The following SPP2 variants were observed in gnomAD, a reference collection of about 807,000 sequenced individuals.
SPP2 encodes the protein secreted phosphoprotein 24.
SPP2 carries 34 observed loss-of-function variants against 28.8 expected under a neutral mutation model. The observed-to-expected ratio is 1.18, with a 90% CI of 0.90 to 1.57. The LOEUF is 1.57. Ranked by LOEUF, SPP2 falls within the 40% of genes most tolerant of loss-of-function variation. The pLI, the probability that SPP2 is intolerant of heterozygous loss-of-function variation, is 0.00. For missense variants in SPP2, 269 were observed against 263.9 expected (o/e 1.02, Z -0.13); for synonymous variants, 96 against 89.4 (o/e 1.07, Z -0.42).
At chr2:234,057,879 T>C (rs945200250) in intron 2 of SPP2, among the ~76,000 whole-genome samples, 1 of 152,240 alleles carries the variant, frequency 6.6e-6, no homozygotes, top group Admixed American at 6.5e-5. Flanking sequence ...TGGAGCAGTC[T>C]TTTAGGAAAA....
At chr2:234,067,188 G>A (rs781267947) in intron 5 of SPP2, 36 bp from the exon 6 acceptor site, 5 of 1,584,370 alleles carry the variant, frequency 3.2e-6, no homozygotes, top group Non-Finnish European at 2.6e-6. Context: ...GGAACAGTGA[G>A]AGGAGTCTTG....
At position 234,073,179 on chromosome 2, in the gene SPP2, C is replaced by T. The variant is rs559832263; in HGVS notation, c.*10+3156C>T. On this transcript the variant is annotated intron_variant, in intron 7 of 7. Transcript: ENST00000168148. ...CTGGGATTACAGGCATGAGCCACCACGCCTGGCCGACCATAAACTTCTTGA... is the reference window on the plus strand; with the variant it reads ...CTGGGATTACAGGCATGAGCCACCATGCCTGGCCGACCATAAACTTCTTGA... Among the ~76,000 whole-genome samples, 8 of 152,332 alleles carry T rather than the reference C, an allele frequency of 5.3e-5. No homozygotes were observed. The East Asian group carries it at 5.8e-4, about 11-fold the overall frequency.
intron 4 of SPP2, among the ~76,000 whole-genome samples, chr2:234,064,247 GTCTCTC>G (rs10556319): frequency 1.3e-5 from 2 of 149,124 alleles, no homozygotes; most frequent in Non-Finnish European, 3.0e-5. Flanking sequence ...TCCTTCCTCT[GTCTCTC>G]TCTCTCTCTC....
chr2:234,053,855 G>C (rs1482569366), intron 2 of SPP2, among the ~76,000 whole-genome samples: 1 of 152,002 alleles, frequency 6.6e-6, no homozygotes, highest in Non-Finnish European at 1.5e-5. Context: ...GGGAAGCAAA[G>C]AGGACAAGTA....
At chr2:234,068,262 A>G (rs535347245) in intron 6 of SPP2, among the ~76,000 whole-genome samples, 1 of 152,298 alleles carries the variant, frequency 6.6e-6, no homozygotes, top group South Asian at 2.1e-4. Flanking sequence ...CAGTGTCACA[A>G]ACATTCTGTG....
chr2:234,063,447 G>A (rs1033750916), intron 4 of SPP2, among the ~76,000 whole-genome samples: 3 of 152,068 alleles, frequency 2.0e-5, no homozygotes, highest in Admixed American at 6.5e-5. Flanking sequence ...CATAATGAAA[G>A]CCCTGAATAT....
intron 2 of SPP2, among the ~76,000 whole-genome samples, chr2:234,053,467 C>T (rs1318497522): frequency 6.6e-6 from 1 of 151,996 alleles, no homozygotes; most frequent in Non-Finnish European, 1.5e-5. Flanking sequence ...TCAGACTACA[C>T]ATCATCATTG....
At chr2:234,073,853 T>C (rs1255833229) in intron 7 of SPP2, among the ~76,000 whole-genome samples, 1 of 152,170 alleles carries the variant, frequency 6.6e-6, no homozygotes. Context: ...CTTTTGTCAA[T>C]AAGGGCACAG....
intron 4 of SPP2, among the ~76,000 whole-genome samples, chr2:234,060,920 C>T (rs1213381804): frequency 1.3e-5 from 2 of 152,068 alleles, no homozygotes; most frequent in Admixed American, 1.3e-4. Flanking sequence ...TTTTGTTGGA[C>T]CAGTGTTCAA....
At chr2:234,076,611 CCCACA>C (rs1690903536) in intron 7 of SPP2, among the ~76,000 whole-genome samples, 1 of 152,084 alleles carries the variant, frequency 6.6e-6, no homozygotes, top group South Asian at 2.1e-4. Context: ...GATCTCCAGC[CCCACA>C]CCCGCACACG....
At chr2:234,067,957 C>T (rs1446000908) in intron 6 of SPP2, among the ~76,000 whole-genome samples, 1 of 151,238 alleles carries the variant, frequency 6.6e-6, no homozygotes, top group Non-Finnish European at 1.5e-5. Context: ...TTTATGGGTA[C>T]ATAGGAGGTA....
rs1559170144 is a variant in SPP2 at position 234,053,036 on chromosome 2, C to T, written c.210+1941C>T. On this transcript the variant is annotated intron_variant, in intron 2 of 7. Coordinates refer to ENST00000168148, the MANE Select transcript of SPP2 (RefSeq NM_006944.3). ...GAATAGATCACTAGCACTGGGGTTA[C>T]AAACAATTCACGAAAGAGGAAATAC... Among the ~76,000 whole-genome samples, 3 of 151,998 alleles carry T rather than the reference C, an allele frequency of 2.0e-5. No homozygotes were observed. In the East Asian group the frequency reaches 5.8e-4, roughly 29 times the overall value.
chr2:234,070,150 A>G (rs1690722672), intron 7 of SPP2, 127 bp downstream of exon 7: 5 of 656,752 alleles, frequency 7.6e-6, no homozygotes, highest in Middle Eastern at 6.8e-4. Flanking sequence ...GGCTTCTCTG[A>G]CCTCCTTCCC....
intron 2 of SPP2, among the ~76,000 whole-genome samples, chr2:234,053,182 T>C (rs1180574882): frequency 6.6e-6 from 1 of 151,982 alleles, no homozygotes; most frequent in Non-Finnish European, 1.5e-5. Flanking sequence ...GAAAAAAACA[T>C]CACAACTGCC....
At chr2:234,073,686 T>A (rs1266987878) in intron 7 of SPP2, among the ~76,000 whole-genome samples, 1 of 152,158 alleles carries the variant, frequency 6.6e-6, no homozygotes, top group Non-Finnish European at 1.5e-5. Context: ...GCTGGAATAG[T>A]TCTGACTTTT....
chr2:234,052,169 C>T (rs1693511323), intron 2 of SPP2, among the ~76,000 whole-genome samples: 1 of 152,126 alleles, frequency 6.6e-6, no homozygotes, highest in Non-Finnish European at 1.5e-5. Flanking sequence ...ATTCCAGAAT[C>T]ATGGCCAGAG....
At chr2:234,053,515 T>A (rs1274742667) in intron 2 of SPP2, among the ~76,000 whole-genome samples, 1 of 151,854 alleles carries the variant, frequency 6.6e-6, no homozygotes, top group Non-Finnish European at 1.5e-5. Flanking sequence ...CCAGGAGGGA[T>A]GATCGACTCC....
At chr2:234,066,152 A>G (rs1251137735) in intron 4 of SPP2, among the ~76,000 whole-genome samples, 1 of 152,146 alleles carries the variant, frequency 6.6e-6, no homozygotes, top group Admixed American at 6.5e-5. Flanking sequence ...CTTCTTGTGG[A>G]CACCTTTTCC....
chr2:234,051,895 T>C (rs1357705846), intron 2 of SPP2, among the ~76,000 whole-genome samples: 1 of 152,112 alleles, frequency 6.6e-6, no homozygotes, highest in Non-Finnish European at 1.5e-5. Flanking sequence ...GGACATTGCT[T>C]TCTCTCTGTC....
Sources: gnomAD v4.1 joint callset for allele counts (sites outside exome capture counted in the v4.1 genomes callset) on GRCh38, gnomAD v4.1.1 for gene constraint, MANE v1.5 for transcripts, NCBI Gene and HGNC (gene_info 2026-07-23, HGNC 2026-07-21) for gene names.